The following FRMD4A variants were observed in gnomAD, a reference collection of about 807,000 sequenced individuals.
The protein encoded by FRMD4A is FERM domain containing 4A.
FRMD4A carries 29 observed loss-of-function variants against 129.1 expected under a neutral mutation model. That is an observed-to-expected ratio of 0.22 (90% CI 0.17 to 0.31). The LOEUF is 0.31. Ranked by LOEUF, FRMD4A falls within the 10% of genes least tolerant of loss-of-function variation. FRMD4A has a pLI of 1.00. For synonymous variants in FRMD4A, 634 were observed against 571.6 expected (o/e 1.11, Z -1.56); for missense variants, 1,272 against 1,375.8 (o/e 0.92, Z 1.19).
At chr10:14,013,488 G>A (rs1244097140) in intron 2 of FRMD4A, among the ~76,000 whole-genome samples, 2 of 152,188 alleles carry the variant, frequency 1.3e-5, no homozygotes, top group Non-Finnish European at 2.9e-5. Context: ...CAGGGAAAGA[G>A]AGGTGCCTGA....
Position 14,109,781 on chromosome 10 carries a change from G to A in FRMD4A, c.45+220277C>T, listed in dbSNP as rs148804400. Among the ~76,000 whole-genome samples the A allele has an allele frequency of 2.9e-3, 447 of 152,164 alleles. 2 individuals are homozygous for A. Among genetic ancestry groups the A allele is most frequent in the African/African-American group, 0.01 (419 of 41,508 alleles). ...GAGGTCAGGAGTTTAAGACTAGCCT[G>A]GCCAACATGGAGAAACCCTGTCTCT... On this transcript the variant is annotated intron_variant, in intron 2 of 24. Transcript: ENST00000357447.
At chr10:13,689,299 T>C (rs2085441396) in intron 15 of FRMD4A, among the ~76,000 whole-genome samples, 1 of 145,852 alleles carries the variant, frequency 6.9e-6, no homozygotes, top group African/African-American at 2.5e-5. Flanking sequence ...ACCACAGAAA[T>C]CTTACAGTGT....
In FRMD4A at chr10:14,100,495, A is replaced by G. The variant is rs535723380; in HGVS notation, c.45+229563T>C. Among the ~76,000 whole-genome samples, 16 of 152,168 alleles carry G rather than the reference A, an allele frequency of 1.1e-4. No homozygotes were observed. In the South Asian group the frequency reaches 1.5e-3, roughly 14 times the overall value. ...AAGAGCTGTTTCAAATGACTTTTCC[A>G]CCCTATTTCCCCCCGACCCCTTAAA... On this transcript the variant is annotated intron_variant, in intron 2 of 24. Transcript: ENST00000357447.
In FRMD4A at chr10:13,674,377, G is replaced by A. The variant is rs186760566; in HGVS notation, c.1251+534C>T. Reference sequence around the variant, plus strand: ...CCACCATGCAAGTATGAGGGATGAGGGATCATCATTGGGACTTGTCGCTTG... The same window carrying A: ...CCACCATGCAAGTATGAGGGATGAGAGATCATCATTGGGACTTGTCGCTTG... On this transcript the variant is annotated intron_variant, in intron 16 of 24. Transcript: ENST00000357447. 1.7e-3 allele frequency among the ~76,000 whole-genome samples: 263 copies of A among 152,250 alleles called. 1 individual carries two copies. Among genetic ancestry groups the A allele is most frequent in the Non-Finnish European group, 3.2e-3 (218 of 68,020 alleles).
At chr10:14,278,216 C>A (rs967511753) in intron 2 of FRMD4A, among the ~76,000 whole-genome samples, 12 of 152,180 alleles carry the variant, frequency 7.9e-5, no homozygotes, top group Admixed American at 6.5e-4. Flanking sequence ...CAAGGAACAG[C>A]CTGTCCTTGA....
chr10:13,646,950 G>C lies in FRMD4A; in HGVS notation c.*88C>G. ...GGGCTGGCTCACACGAGGGTCCCGGGCTTGGCTTTTTCCTGCCCGTACCAC... is the reference window on the plus strand; with the variant it reads ...GGGCTGGCTCACACGAGGGTCCCGGCCTTGGCTTTTTCCTGCCCGTACCAC... On this transcript the variant is annotated 3_prime_UTR_variant, in exon 25 of 25. Coordinates refer to ENST00000357447, the MANE Select transcript of FRMD4A (RefSeq NM_018027.5). 1.0e-6 allele frequency: 1 copy of C among 979,354 alleles called. No homozygotes were observed. Among genetic ancestry groups the C allele is most frequent in the African/African-American group, 1.7e-5 (1 of 57,250 alleles). 60.7% of individuals were successfully genotyped at this position (979,354 alleles called of 1,614,324 possible).
intron 3 of FRMD4A, among the ~76,000 whole-genome samples, chr10:13,840,978 C>G (rs922599005): frequency 6.6e-6 from 1 of 151,928 alleles, no homozygotes; most frequent in Non-Finnish European, 1.5e-5. Flanking sequence ...CATGGTGGTG[C>G]ATGTCTGCCG....
intron 4 of FRMD4A, 61 bp downstream of exon 4, chr10:13,810,753 G>T: frequency 1.2e-6 from 1 of 832,920 alleles, no homozygotes; most frequent in Non-Finnish European, 2.0e-6. Context: ...CTGGAGTGGA[G>T]CAGTTTCGGG....
rs904661643 is a variant in FRMD4A at position 13,644,247 on chromosome 10, A to G, written c.*2791T>C. 5.3e-5 allele frequency: 8 copies of G among 152,256 alleles called. No individual in the cohort carries two copies. Among genetic ancestry groups the G allele is most frequent in the African/African-American group, 1.9e-4 (8 of 41,464 alleles). 9.4% of individuals were successfully genotyped at this position (152,256 alleles called of 1,614,324 possible). ...TTCTTTTACGCATCCGAAGAATCCA[A>G]TAGGGGCTTTATATCAGACCAAGGA... On this transcript the variant is annotated 3_prime_UTR_variant, in exon 25 of 25. Transcript: ENST00000357447.
chr10:13,879,838 G>A lies in FRMD4A; in HGVS notation c.46-20926C>T, dbSNP rs146422546. On this transcript the variant is annotated intron_variant, in intron 2 of 24. Coordinates refer to ENST00000357447, the MANE Select transcript of FRMD4A (RefSeq NM_018027.5). ...CTCCTTCTTCTTCTTCTTGAGATGG[G>A]TCTCACTATTTGACCCAGGCTGCTC... Among the ~76,000 whole-genome samples, 172 of 143,728 alleles carry A rather than the reference G, an allele frequency of 1.2e-3. 2 individuals carry two copies. The highest frequency in any genetic ancestry group is 4.3e-3 in the African/African-American group (167 of 38,588). The allele number at this position is 143,728 out of a possible 152,430, so 94.3% of individuals were successfully genotyped here. A position where few individuals can be genotyped will look rare whatever the true frequency, so the allele number is the denominator to read the frequency against.
At chr10:13,921,330 T>C (rs965263338) in intron 2 of FRMD4A, among the ~76,000 whole-genome samples, 1 of 141,020 alleles carries the variant, frequency 7.1e-6, no homozygotes, top group Non-Finnish European at 1.5e-5. Context: ...TGTGCAATCA[T>C]GACTCACTGA....
At chr10:14,185,693 G>A (rs776057362) in intron 2 of FRMD4A, among the ~76,000 whole-genome samples, 1 of 152,210 alleles carries the variant, frequency 6.6e-6, no homozygotes, top group African/African-American at 2.4e-5. Flanking sequence ...GATAGCAGCA[G>A]CTCAACAGTG....
chr10:14,318,869 T>C (rs1846857365), intron 2 of FRMD4A, among the ~76,000 whole-genome samples: 1 of 152,178 alleles, frequency 6.6e-6, no homozygotes, highest in African/African-American at 2.4e-5. Context: ...CCTTAATGAC[T>C]TGTTTGTAAC....
rs1167552320 is a variant in FRMD4A at position 13,644,363 on chromosome 10, C to G, written c.*2675G>C. The G allele has an allele frequency of 2.0e-5, 3 of 152,244 alleles. No homozygotes were observed. The highest frequency in any genetic ancestry group is 2.9e-5 in the Non-Finnish European group (2 of 68,042). The allele number at this position is 152,244 out of a possible 1,614,324, so 9.4% of individuals were successfully genotyped here. On this transcript the variant is annotated 3_prime_UTR_variant, in exon 25 of 25. Transcript: ENST00000357447. ...AATAACTACATCATTTCCCACCACA[C>G]TGATCATTAATCATGTCAGTCTCAA...
chr10:13,699,101 G>A (rs1004247661), intron 14 of FRMD4A, among the ~76,000 whole-genome samples: 4 of 143,694 alleles, frequency 2.8e-5, no homozygotes, highest in Admixed American at 2.2e-4. Flanking sequence ...TGTCAACCAC[G>A]CTGGAGTGCA....
At chr10:14,222,431 GC>G (rs1164431593) in intron 2 of FRMD4A, among the ~76,000 whole-genome samples, 1 of 152,146 alleles carries the variant, frequency 6.6e-6, no homozygotes, top group Non-Finnish European at 1.5e-5. Context: ...CTATCCAGTT[GC>G]CCAATCATCA....
chr10:14,184,809 A>T (rs1308002481), intron 2 of FRMD4A, among the ~76,000 whole-genome samples: 3 of 152,102 alleles, frequency 2.0e-5, no homozygotes, highest in African/African-American at 7.2e-5. Context: ...TTTCTTATTT[A>T]TTTATTTTTT....
At chr10:14,089,560 G>A (rs966516661) in intron 2 of FRMD4A, among the ~76,000 whole-genome samples, 5 of 150,862 alleles carry the variant, frequency 3.3e-5, no homozygotes, top group African/African-American at 1.2e-4. Flanking sequence ...ATCTCATTAG[G>A]GGCTTGGCCC....
intron 2 of FRMD4A, among the ~76,000 whole-genome samples, chr10:13,963,472 G>C (rs1175941717): frequency 6.6e-6 from 1 of 152,058 alleles, no homozygotes; most frequent in Non-Finnish European, 1.5e-5. Context: ...GAAACGTTTG[G>C]TTGGGTCATG....
Sources: allele counts gnomAD v4.1 joint callset (sites outside exome capture counted in the v4.1 genomes callset), GRCh38; gene constraint gnomAD v4.1.1; transcripts MANE v1.5; gene names NCBI Gene and HGNC (gene_info 2026-07-23, HGNC 2026-07-21).